Variants in KBTBD2 observed in about 807,000 individuals in gnomAD.
KBTBD2 encodes kelch repeat and BTB domain-containing protein 2.
A neutral mutation model predicts 57.1 loss-of-function variants in KBTBD2; 17 were observed. The observed-to-expected ratio is 0.30, with a 90% CI of 0.20 to 0.45. KBTBD2 has a LOEUF of 0.45. KBTBD2 is among the 20% of genes least tolerant of loss of function. The pLI, the probability that KBTBD2 is intolerant of heterozygous loss-of-function variation, is 1.00. For missense variants in KBTBD2, 515 were observed against 750.6 expected (o/e 0.69, Z 3.67); for synonymous variants, 267 against 262.7 (o/e 1.02, Z -0.16).
rs1784093844 is a variant in KBTBD2, at chr7:32,868,901, A to C, written c.*444T>G. On this transcript the variant is annotated 3_prime_UTR_variant, in exon 4 of 4. Coordinates refer to ENST00000304056, the MANE Select transcript of KBTBD2 (RefSeq NM_015483.3). Reference sequence around the variant, plus strand: ...TATACCAACACGGACATTAGTGTTAAGTGCAGTTGAATTAATTACACTGAA... The same window carrying C: ...TATACCAACACGGACATTAGTGTTACGTGCAGTTGAATTAATTACACTGAA... 1 of 158,238 alleles carries C rather than the reference A, an allele frequency of 6.3e-6. No homozygotes were observed. The highest frequency in any genetic ancestry group is 2.4e-5 in the African/African-American group (1 of 41,486). The allele number at this position is 158,238 out of a possible 1,614,324, so 9.8% of individuals were successfully genotyped here. A position where few individuals can be genotyped will look rare whatever the true frequency, so the allele number is the denominator to read the frequency against.
chr7:32,885,266 A>T (rs1784548946), intron 1 of KBTBD2, among the ~76,000 whole-genome samples: 1 of 151,916 alleles, frequency 6.6e-6, no homozygotes, highest in South Asian at 2.1e-4. Context: ...TTCAGATCAC[A>T]AAACAAGGAA....
intron 1 of KBTBD2, chr7:32,891,076 G>A (rs1012991061): frequency 2.6e-5 from 4 of 152,242 alleles, no homozygotes; most frequent in African/African-American, 9.7e-5. Flanking sequence ...GGTTAGTTCA[G>A]ATGTACGCGG....
In KBTBD2 at chr7:32,869,017, G is replaced by C. The variant is rs1269783726; in HGVS notation, c.*328C>G. 1 of 182,950 alleles carries C rather than the reference G, an allele frequency of 5.5e-6. No homozygotes were observed. The highest frequency in any genetic ancestry group is 1.2e-5 in the Non-Finnish European group (1 of 86,444). The allele number at this position is 182,950 out of a possible 1,614,324, so 11.3% of individuals were successfully genotyped here. A position where few individuals can be genotyped will look rare whatever the true frequency, so the allele number is the denominator to read the frequency against. ...CACAATTTGTGATACATCACACTAG[G>C]AACAGGAAACTACTTTTATAAATGA... is the stretch of plus-strand genomic sequence containing the variant. On this transcript the variant is annotated 3_prime_UTR_variant, in exon 4 of 4. Coordinates refer to ENST00000304056, the MANE Select transcript of KBTBD2 (RefSeq NM_015483.3).
At position 32,868,470 on chromosome 7, in the gene KBTBD2, T is replaced by C. The variant is rs540590233; in HGVS notation, c.*875A>G. 2 of 152,522 alleles carry C rather than the reference T, an allele frequency of 1.3e-5. No individual in the cohort carries two copies. Among genetic ancestry groups the C allele is most frequent in the African/African-American group, 4.8e-5 (2 of 41,530 alleles). The allele number at this position is 152,522 out of a possible 1,614,324, so 9.4% of individuals were successfully genotyped here. A position where few individuals can be genotyped will look rare whatever the true frequency, so the allele number is the denominator to read the frequency against. On this transcript the variant is annotated 3_prime_UTR_variant, in exon 4 of 4. Transcript: ENST00000304056. ...TGACAGCTAACAGATCTATACACAA[T>C]CACTCTACAGTAATGCTTGTTATTA...
chr7:32,886,125 G>C (rs1382037051), intron 1 of KBTBD2, among the ~76,000 whole-genome samples: 1 of 151,962 alleles, frequency 6.6e-6, no homozygotes, highest in Non-Finnish European at 1.5e-5. Flanking sequence ...GGCCAAGTTG[G>C]TCTCAAACTC....
Position 32,880,824 on chromosome 7 carries a change from C to T in KBTBD2, c.-338-882G>A, listed in dbSNP as rs1391820637. Among the ~76,000 whole-genome samples, 4 of 152,074 alleles carry T rather than the reference C, an allele frequency of 2.6e-5. No homozygotes were observed. In the East Asian group the frequency reaches 5.8e-4, roughly 22 times the overall value. On this transcript the variant is annotated intron_variant, in intron 1 of 3. Coordinates refer to ENST00000304056, the MANE Select transcript of KBTBD2 (RefSeq NM_015483.3). ...ACATAAGAAACCAGAGATGACTGGC[C>T]GGGCACAGTGGCTCATGCCTGTAAT... is the stretch of plus-strand genomic sequence containing the variant.
chr7:32,881,267 A>C (rs1436642890), intron 1 of KBTBD2, among the ~76,000 whole-genome samples: 1 of 152,100 alleles, frequency 6.6e-6, no homozygotes, highest in African/African-American at 2.4e-5. Context: ...AAAAAAAACC[A>C]AAATTCCAGC....
At chr7:32,880,915 A>G (rs1784430416) in intron 1 of KBTBD2, among the ~76,000 whole-genome samples, 1 of 152,056 alleles carries the variant, frequency 6.6e-6, no homozygotes, top group South Asian at 2.1e-4. Flanking sequence ...ATCCTGACCA[A>G]CATGGTGAAA....
At chr7:32,884,477 T>C (rs1784519927) in intron 1 of KBTBD2, among the ~76,000 whole-genome samples, 1 of 150,766 alleles carries the variant, frequency 6.6e-6, no homozygotes, top group Admixed American at 6.6e-5. Flanking sequence ...ATCACCTGAG[T>C]TCAGGAGATT....
chr7:32,885,907 C>A (rs531709791), intron 1 of KBTBD2, among the ~76,000 whole-genome samples: 1,545 of 69,990 alleles, frequency 0.022, 23 homozygotes, highest in African/African-American at 0.076. Context: ...ACTGTCTACA[C>A]ACTTTTTTTT....
intron 1 of KBTBD2, among the ~76,000 whole-genome samples, chr7:32,888,681 C>A (rs1583794968): frequency 6.8e-6 from 1 of 147,934 alleles, no homozygotes; most frequent in Non-Finnish European, 1.5e-5. Context: ...GGCGACACAG[C>A]GAGACTCCGT....
At chr7:32,872,952 T>C (rs558607859) in intron 3 of KBTBD2, among the ~76,000 whole-genome samples, 1 of 152,190 alleles carries the variant, frequency 6.6e-6, no homozygotes, top group East Asian at 1.9e-4. Flanking sequence ...ACATAAAGCA[T>C]GAACTGAGTT....
chr7:32,882,220 T>C (rs1389922469), intron 1 of KBTBD2, among the ~76,000 whole-genome samples: 1 of 152,146 alleles, frequency 6.6e-6, no homozygotes, highest in African/African-American at 2.4e-5. Context: ...ATTAATAAAG[T>C]AGAAGTCCTA....
In KBTBD2 at chr7:32,869,265, AG is replaced by A; in HGVS notation, c.*79del. On this transcript the variant is annotated 3_prime_UTR_variant, in exon 4 of 4. Transcript: ENST00000304056. Reference sequence around the variant, plus strand: ...GATAGAATTTTATGTACTCATATTTAGTTCTTTCATAGCCTCTTTTGTTTAG... The same window carrying A: ...GATAGAATTTTATGTACTCATATTTATTCTTTCATAGCCTCTTTTGTTTAG... 1.0e-6 allele frequency: 1 copy of A among 994,988 alleles called. No individual in the cohort carries two copies. 61.6% of individuals were successfully genotyped at this position (994,988 alleles called of 1,614,324 possible).
Position 32,879,523 on chromosome 7 carries a change from G to A in KBTBD2, c.82C>T (p.Gln28Ter). ...ATTAACACTATGTCAGTAAACAACTGCTGTTCATAAAACAGTTTCAACTGT... is the reference window on the plus strand; with the variant it reads ...ATTAACACTATGTCAGTAAACAACTACTGTTCATAAAACAGTTTCAACTGT... ...LEQLKLFYEQ[Q>*]LFTDIVLIVE... Residue 28 changes from glutamine to a stop codon, truncating the protein, a stop_gained, in exon 2 of 4, where the codon CAG becomes TAG. Coordinates refer to ENST00000304056, the MANE Select transcript of KBTBD2 (RefSeq NM_015483.3). LOFTEE classifies it high-confidence loss of function. 1 of 1,612,924 alleles carries A rather than the reference G, an allele frequency of 6.2e-7. No homozygotes were observed. The highest frequency in any genetic ancestry group is 8.5e-7 in the Non-Finnish European group (1 of 1,179,060).
At chr7:32,878,129 T>A (rs1583781150) in intron 2 of KBTBD2, among the ~76,000 whole-genome samples, 1 of 147,304 alleles carries the variant, frequency 6.8e-6, no homozygotes. Flanking sequence ...AAAAAAAAAA[T>A]TGTAGGCATA....
At chr7:32,880,393 CAA>C (rs1784417337) in intron 1 of KBTBD2, among the ~76,000 whole-genome samples, 1 of 152,102 alleles carries the variant, frequency 6.6e-6, no homozygotes, top group African/African-American at 2.4e-5. Flanking sequence ...AACACGTTCA[CAA>C]AGTCTTCATA....
chr7:32,870,885 A>G lies in KBTBD2; in HGVS notation c.337-5T>C. 4 of 1,506,670 alleles carry G rather than the reference A, an allele frequency of 2.7e-6. No homozygotes were observed. The highest frequency in any genetic ancestry group is 3.5e-6 in the Non-Finnish European group (4 of 1,133,000). 93.3% of individuals were successfully genotyped at this position (1,506,670 alleles called of 1,614,324 possible). ...ACGTTGTAACACATCTTCTACCTAG[A>G]ATGAGAAGGAAAAAAAAAACAGGCT... On this transcript the variant is annotated splice_region_variant and splice_polypyrimidine_tract_variant and intron_variant, in intron 3 of 3. Transcript: ENST00000304056.
chr7:32,877,312 C>T (rs984774223), intron 2 of KBTBD2, among the ~76,000 whole-genome samples: 1 of 152,168 alleles, frequency 6.6e-6, no homozygotes, highest in Non-Finnish European at 1.5e-5. Context: ...CCAGCACTCC[C>T]GACCAGAAAC....
Sources: gnomAD v4.1 joint callset for allele counts (sites outside exome capture counted in the v4.1 genomes callset) on GRCh38, gnomAD v4.1.1 for gene constraint, MANE v1.5 for transcripts, NCBI Gene and HGNC (gene_info 2026-07-23, HGNC 2026-07-21) for gene names.